Variants in PEX14 observed in about 807,000 individuals in gnomAD.
The protein encoded by PEX14 is peroxisomal biogenesis factor 14.
A neutral mutation model predicts 49.5 loss-of-function variants in PEX14; 15 were observed. The ratio of observed to expected loss-of-function variants is 0.30; its 90% CI spans 0.20 to 0.47. The LOEUF (loss-of-function observed/expected upper bound fraction) is 0.47, where lower values mean the gene tolerates loss of function less well. Among genes scored for constraint, PEX14 ranks in the 20% least tolerant of loss-of-function variants. PEX14 has a pLI of 1.00. For synonymous variants in PEX14, 210 were observed against 212.7 expected (o/e 0.99, Z 0.11); for missense variants, 398 against 494.8 (o/e 0.80, Z 1.86).
At chr1:10,559,346 G>T (rs1639581950) in intron 3 of PEX14, among the ~76,000 whole-genome samples, 1 of 152,096 alleles carries the variant, frequency 6.6e-6, no homozygotes, top group African/African-American at 2.4e-5. Flanking sequence ...TTTATTTTTA[G>T]TTTTTCACCT....
At chr1:10,585,601 A>G (rs369574683) in intron 3 of PEX14, among the ~76,000 whole-genome samples, 1 of 152,376 alleles carries the variant, frequency 6.6e-6, no homozygotes, top group Non-Finnish European at 1.5e-5. Context: ...ACTCGGTAGT[A>G]ATACCAGACA....
chr1:10,544,417 C>A (rs555423184), intron 3 of PEX14, among the ~76,000 whole-genome samples: 1 of 152,214 alleles, frequency 6.6e-6, no homozygotes, highest in Admixed American at 6.5e-5. Context: ...AGGACAGAAC[C>A]ACAGACATGG....
chr1:10,524,504 G>A (rs1638403827), intron 2 of PEX14: 2 of 729,350 alleles, frequency 2.7e-6, no homozygotes, highest in South Asian at 6.2e-5. Context: ...TGTAAATTTT[G>A]TGTTATTCAT....
At chr1:10,554,324 A>C (rs933081057) in intron 3 of PEX14, among the ~76,000 whole-genome samples, 2 of 146,456 alleles carry the variant, frequency 1.4e-5, no homozygotes, top group African/African-American at 4.9e-5. Context: ...AAAAAAGAGA[A>C]GTTTACAAAA....
intron 3 of PEX14, among the ~76,000 whole-genome samples, chr1:10,557,289 A>G (rs1279948308): frequency 1.3e-5 from 2 of 152,202 alleles, no homozygotes; most frequent in Non-Finnish European, 2.9e-5. Context: ...TTGTGGGGTA[A>G]AAACCTCAGA....
intron 2 of PEX14, among the ~76,000 whole-genome samples, chr1:10,526,343 C>G (rs1411356523): frequency 6.6e-6 from 1 of 151,978 alleles, no homozygotes; most frequent in African/African-American, 2.4e-5. Context: ...CTTAGCTTCC[C>G]AAGTAACTGG....
chr1:10,576,350 GCTAAGTCC>G (rs1237102916), intron 3 of PEX14, among the ~76,000 whole-genome samples: 1 of 152,040 alleles, frequency 6.6e-6, no homozygotes, highest in Non-Finnish European at 1.5e-5. Flanking sequence ...CAGGCAATAA[GCTAAGTCC>G]CTTATTTAAT....
intron 2 of PEX14, among the ~76,000 whole-genome samples, chr1:10,516,413 G>C (rs560897895): frequency 3.3e-5 from 5 of 152,348 alleles, no homozygotes; most frequent in African/African-American, 1.2e-4. Flanking sequence ...GACCCACTAG[G>C]TTTGCCGTGG....
chr1:10,478,882 A>G (rs958114597), intron 1 of PEX14, among the ~76,000 whole-genome samples: 1 of 151,572 alleles, frequency 6.6e-6, no homozygotes, highest in African/African-American at 2.4e-5. Flanking sequence ...AGTAGCTGGG[A>G]CTACAGGCAC....
chr1:10,536,106 A>G lies in PEX14; in HGVS notation c.85-107A>G, dbSNP rs150374749. 3.5e-4 allele frequency: 272 copies of G among 777,052 alleles called. 2 individuals are homozygous for G. The East Asian group carries it at 6.7e-3, about 19-fold the overall frequency. 48.1% of individuals were successfully genotyped at this position (777,052 alleles called of 1,614,324 possible). A position where few individuals can be genotyped will look rare whatever the true frequency, so the allele number is the denominator to read the frequency against. On this transcript the variant is annotated intron_variant, in intron 2 of 8. Coordinates refer to ENST00000356607, the MANE Select transcript of PEX14 (RefSeq NM_004565.3). ...ATAACTGGTTATAAATTTGACCACA[A>G]TAGTATGCTTGTCTCTGTGGAGCTG...
At chr1:10,575,140 A>C (rs1198494713) in intron 3 of PEX14, among the ~76,000 whole-genome samples, 18 of 152,140 alleles carry the variant, frequency 1.2e-4, no homozygotes, top group Admixed American at 1.2e-3. Context: ...TAGGCAGATT[A>C]GAAATTCAAG....
At chr1:10,621,419 T>TC (rs1641589961) in intron 5 of PEX14, among the ~76,000 whole-genome samples, 1 of 149,418 alleles carries the variant, frequency 6.7e-6, no homozygotes, top group Non-Finnish European at 1.5e-5. Context: ...TGATCTCTGC[T>TC]CACTGCAGCC....
At chr1:10,568,485 A>T (rs1258804402) in intron 3 of PEX14, among the ~76,000 whole-genome samples, 3 of 152,174 alleles carry the variant, frequency 2.0e-5, no homozygotes, top group Non-Finnish European at 4.4e-5. Context: ...TTGATCTAAT[A>T]TGATAAAGTA....
At chr1:10,537,341 A>AACC (rs1553187430) in intron 3 of PEX14, among the ~76,000 whole-genome samples, 4 of 28,430 alleles carry the variant, frequency 1.4e-4, no homozygotes, top group Non-Finnish European at 6.3e-5. Context: ...TTGTGCCAGC[A>AACC]CCCCCCCCCC....
At chr1:10,564,904 CT>C (rs57411640) in intron 3 of PEX14, among the ~76,000 whole-genome samples, 16 of 125,496 alleles carry the variant, frequency 1.3e-4, no homozygotes, top group African/African-American at 1.9e-4. Flanking sequence ...TTTTGTATAT[CT>C]TTTTTTTTTT....
In PEX14 at chr1:10,629,812, GGGAGGACAA is replaced by G. The variant is rs750810710; in HGVS notation, c.967_975del (p.Lys323_Asp325del). The G allele has an allele frequency of 9.4e-6, 15 of 1,592,378 alleles. No homozygotes were observed. The highest frequency in any genetic ancestry group is 1.3e-5 in the Non-Finnish European group (15 of 1,164,426). Reference sequence around the variant, plus strand: ...GAGGTGCAAGGCGAGGAGGAGAAGAGGGAGGACAAGGAGGACGAGGAGGATGAGGAGGAT... The same window carrying G: ...GAGGTGCAAGGCGAGGAGGAGAAGAGGGAGGACGAGGAGGATGAGGAGGAT... On this transcript the variant is annotated inframe_deletion, in exon 9 of 9. Transcript: ENST00000356607. This position sits in a 1 kb window ranked among gnomAD's most constrained non-coding sequence, Gnocchi z 8.5.
chr1:10,566,796 C>T (rs1205943407), intron 3 of PEX14, among the ~76,000 whole-genome samples: 4 of 152,088 alleles, frequency 2.6e-5, no homozygotes, highest in Non-Finnish European at 4.4e-5. Flanking sequence ...GGATTACAGA[C>T]GTGAGCCACC....
chr1:10,515,188 T>G (rs957005719), intron 2 of PEX14, among the ~76,000 whole-genome samples: 6 of 152,150 alleles, frequency 3.9e-5, no homozygotes, highest in Non-Finnish European at 7.3e-5. Context: ...GAGAATGCAC[T>G]TATTCAGACT....
intron 3 of PEX14, among the ~76,000 whole-genome samples, chr1:10,590,064 C>T (rs980193766): frequency 9.2e-5 from 14 of 152,212 alleles, no homozygotes; most frequent in African/African-American, 3.1e-4. Flanking sequence ...GGGGTCCGAG[C>T]CTGGCCCTCC....
Sources: gnomAD v4.1 joint callset for allele counts (sites outside exome capture counted in the v4.1 genomes callset) on GRCh38, gnomAD v4.1.1 for gene constraint, Gnocchi (gnomAD v3.1) non-coding constraint, MANE v1.5 for transcripts, NCBI Gene and HGNC (gene_info 2026-07-23, HGNC 2026-07-21) for gene names.